Variants in BDKRB1 observed in about 807,000 individuals in gnomAD.
BDKRB1 encodes bradykinin receptor B1, also known as B1 bradykinin receptor.
For missense variants in BDKRB1, 414 were observed against 441.4 expected (o/e 0.94, Z 0.56); for synonymous variants, 192 against 189.1 (o/e 1.02, Z -0.13).
chr14:96,261,885 C>G (rs1885758209), intron 1 of BDKRB1, among the ~76,000 whole-genome samples: 1 of 152,212 alleles, frequency 6.6e-6, no homozygotes, highest in African/African-American at 2.4e-5. Flanking sequence ...GGCCACGAAG[C>G]CATGAGCACA....
At chr14:96,259,950 A>T in intron 1 of BDKRB1, 1 of 152,136 alleles carries the variant, frequency 6.6e-6, no homozygotes, top group African/African-American at 2.4e-5. Flanking sequence ...CTAAGGGAAA[A>T]GTCATGCCTC....
intron 1 of BDKRB1, among the ~76,000 whole-genome samples, chr14:96,257,909 G>A (rs1021395081): frequency 6.7e-6 from 1 of 149,780 alleles, no homozygotes; most frequent in Non-Finnish European, 1.5e-5. Context: ...AGCAGGATGG[G>A]AGGGAGGGAA....
At chr14:96,261,722 G>A (rs933319497) in intron 1 of BDKRB1, among the ~76,000 whole-genome samples, 11 of 152,192 alleles carry the variant, frequency 7.2e-5, no homozygotes, top group African/African-American at 2.7e-4. Context: ...GCCAAGCACC[G>A]GGCGTATATT....
chr14:96,257,688 C>T (rs1465627869), intron 1 of BDKRB1, among the ~76,000 whole-genome samples: 1 of 152,206 alleles, frequency 6.6e-6, no homozygotes, highest in South Asian at 2.1e-4. Context: ...TCTACAGATT[C>T]CCACCTGCCA....
At chr14:96,260,750 G>A (rs193183895) in intron 1 of BDKRB1, among the ~76,000 whole-genome samples, 9 of 152,112 alleles carry the variant, frequency 5.9e-5, no homozygotes, top group South Asian at 2.1e-4. Flanking sequence ...TCTGTCAACC[G>A]GCAGCTGTGC....
At chr14:96,261,220 C>G (rs1054507686) in intron 1 of BDKRB1, among the ~76,000 whole-genome samples, 2 of 152,190 alleles carry the variant, frequency 1.3e-5, no homozygotes, top group African/African-American at 4.8e-5. Context: ...CACCCGCCAG[C>G]ATGTTTATTT....
chr14:96,264,443 C>T lies in BDKRB1; in HGVS notation c.761C>T (p.Thr254Met), dbSNP rs139028840. ...KDSKTTALIL[T>M]LVVAFLVCWA... ...AGCAAGACCACAGCGCTGATCCTCA[C>T]GCTCGTGGTTGCCTTCCTGGTCTGC... The change falls in exon 3 of 3, where the codon ACG (threonine) becomes ATG (methionine). Residue 254 changes from threonine (T) to methionine (M), a missense_variant. By Grantham distance (81) the Thr-to-Met change is moderately conservative (BLOSUM62 -1). Coordinates refer to ENST00000216629, the MANE Select transcript of BDKRB1 (RefSeq NM_000710.4). 102 of 1,614,194 alleles carry T rather than the reference C, an allele frequency of 6.3e-5. No homozygotes were observed. Among genetic ancestry groups the T allele is most frequent in the South Asian group, 4.4e-4 (40 of 91,078 alleles).
At chr14:96,257,160 G>T (rs947282893) in intron 1 of BDKRB1, among the ~76,000 whole-genome samples, 4 of 152,190 alleles carry the variant, frequency 2.6e-5, no homozygotes, top group Non-Finnish European at 5.9e-5. Flanking sequence ...CCCCATGTGA[G>T]CAGACACATG....
Position 96,264,689 on chromosome 14 carries a change from C to T in BDKRB1, c.1007C>T (p.Ala336Val). ...AAACAATGCACCCCTAAAAGTCTTG[C>T]TCCAATATCTTCATCCCATAGGAAA... is the stretch of plus-strand genomic sequence containing the variant. The part of the protein sequence containing the change: ...LYKQCTPKSL[A>V]PISSSHRKEI... The change falls in exon 3 of 3, where the codon GCT becomes GTT. Residue 336 changes from alanine to valine, a missense_variant. Coordinates refer to ENST00000216629, the MANE Select transcript of BDKRB1 (RefSeq NM_000710.4). The T allele has an allele frequency of 6.2e-7, 1 of 1,614,098 alleles. No homozygotes were observed. Among genetic ancestry groups the T allele is most frequent in the Non-Finnish European group, 8.5e-7 (1 of 1,180,018 alleles).
intron 1 of BDKRB1, among the ~76,000 whole-genome samples, chr14:96,257,032 T>C (rs1191719438): frequency 6.6e-6 from 1 of 152,242 alleles, no homozygotes; most frequent in African/African-American, 2.4e-5. Flanking sequence ...GAGCACCTAC[T>C]ATGTTCCAGG....
At chr14:96,257,982 A>T (rs529872970) in intron 1 of BDKRB1, among the ~76,000 whole-genome samples, 50 of 149,800 alleles carry the variant, frequency 3.3e-4, no homozygotes, top group Non-Finnish European at 5.6e-4. Context: ...GAGGGTAGGG[A>T]GGGAAGGAGA....
At position 96,263,998 on chromosome 14, in the gene BDKRB1, G is replaced by A. The variant is rs759925605; in HGVS notation, c.316G>A (p.Gly106Arg). 110 of 1,614,066 alleles carry A rather than the reference G, an allele frequency of 6.8e-5. No homozygotes were observed. Among genetic ancestry groups the A allele is most frequent in the Non-Finnish European group, 8.7e-5 (103 of 1,180,048 alleles). The change falls in exon 3 of 3, where the codon GGA becomes AGA. Residue 106 changes from glycine to arginine, a missense_variant. Transcript: ENST00000216629. ...CTGGAACCAGTTTAACTGGCCTTTC[G>A]GAGCCCTCCTCTGCCGTGTCATCAA... ...NIWNQFNWPF[G>R]ALLCRVINGV... is the part of the protein sequence containing the mutation.
At position 96,263,952 on chromosome 14, in the gene BDKRB1, G is replaced by C. The variant is rs747883508; in HGVS notation, c.270G>C (p.Leu90Phe). The C allele has an allele frequency of 1.2e-6, 2 of 1,614,238 alleles. No homozygotes were observed. The highest frequency in any genetic ancestry group is 2.2e-5 in the South Asian group (2 of 91,090). ...CTGATCTGGTGTTTGTCTTGGGCTTGCCCTTCTGGGCAGAGAATATCTGGA... is the reference window on the plus strand; with the variant it reads ...CTGATCTGGTGTTTGTCTTGGGCTTCCCCTTCTGGGCAGAGAATATCTGGA... ...AASDLVFVLGLPFWAENIWNQ... is the reference protein window; with the variant it reads ...AASDLVFVLGFPFWAENIWNQ... Residue 90 changes from leucine (L) to phenylalanine (F), a missense_variant, in exon 3 of 3, where the codon TTG becomes TTC. Transcript: ENST00000216629.
At chr14:96,258,595 G>A (rs773701920) in intron 1 of BDKRB1, among the ~76,000 whole-genome samples, 12 of 152,240 alleles carry the variant, frequency 7.9e-5, no homozygotes, top group African/African-American at 1.4e-4. Flanking sequence ...ATCTTGGCTC[G>A]CCACAACCTC....
chr14:96,263,331 A>G (rs763818162), intron 2 of BDKRB1, among the ~76,000 whole-genome samples: 3 of 152,186 alleles, frequency 2.0e-5, no homozygotes, highest in African/African-American at 4.8e-5. Context: ...ATTCTCTCCA[A>G]TGTTTAAAAA....
At chr14:96,257,564 A>G (rs556729515) in intron 1 of BDKRB1, among the ~76,000 whole-genome samples, 1 of 152,298 alleles carries the variant, frequency 6.6e-6, no homozygotes, top group East Asian at 1.9e-4. Flanking sequence ...AAACCATATC[A>G]GTGCTCAACA....
chr14:96,257,460 C>A (rs1190249577), intron 1 of BDKRB1, among the ~76,000 whole-genome samples: 2 of 152,200 alleles, frequency 1.3e-5, no homozygotes, highest in Middle Eastern at 3.2e-3. Flanking sequence ...TTCTCCATCC[C>A]CATGATTCAA....
chr14:96,258,007 AG>A (rs1885659154), intron 1 of BDKRB1, among the ~76,000 whole-genome samples: 2 of 151,230 alleles, frequency 1.3e-5, no homozygotes, highest in South Asian at 4.2e-4. Flanking sequence ...GAGGGAATGA[AG>A]GGAAGGAAGG....
chr14:96,262,824 C>T, intron 2 of BDKRB1, 54 bp downstream of exon 2: 1 of 367,612 alleles, frequency 2.7e-6, no homozygotes, highest in South Asian at 2.1e-5. Flanking sequence ...GACAGGATTT[C>T]ACCATGTTGC....
Sources: gnomAD v4.1 joint callset for allele counts (sites outside exome capture counted in the v4.1 genomes callset) on GRCh38, gnomAD v4.1.1 for gene constraint, MANE v1.5 for transcripts, NCBI Gene and HGNC (gene_info 2026-07-23, HGNC 2026-07-21) for gene names.